The following ASIC2 variants were observed in gnomAD, a reference collection of about 807,000 sequenced individuals.
ASIC2 encodes the protein acid sensing ion channel subunit 2.
Under a neutral mutation model 57.3 loss-of-function variants are expected in ASIC2, and 25 were observed. The observed-to-expected ratio is 0.44, with a 90% CI of 0.32 to 0.61. The LOEUF is 0.61. ASIC2 is among the 20% of genes least tolerant of loss of function. The pLI is 0.06. For synonymous variants in ASIC2, 319 were observed against 307.5 expected (o/e 1.04, Z -0.39); for missense variants, 641 against 738.1 (o/e 0.87, Z 1.52).
chr17:33,020,041 A>G (rs1567718377), intron 7 of ASIC2, among the ~76,000 whole-genome samples: 1 of 152,026 alleles, frequency 6.6e-6, no homozygotes, highest in Non-Finnish European at 1.5e-5. Context: ...CTCTTGGCTC[A>G]GTACCTTTGG....
chr17:33,755,268 A>G (rs933191847), intron 1 of ASIC2, among the ~76,000 whole-genome samples: 3 of 152,210 alleles, frequency 2.0e-5, no homozygotes, highest in Non-Finnish European at 2.9e-5. Flanking sequence ...ATTCTCTTCA[A>G]AACTTCTGTG....
Position 34,156,544 on chromosome 17 carries a change from G to A in ASIC2, c.-12C>T. ...TCCTTGAGGTCCATCGGGACCCCGT[G>A]CAGTTCCGCAACTGGCTTCAGGTTG... On this transcript the variant is annotated 5_prime_UTR_variant, in exon 1 of 10. Transcript: ENST00000359872. This position sits in a 1 kb window ranked among gnomAD's most constrained non-coding sequence, Gnocchi z 4.4. 6.4e-7 allele frequency: 1 copy of A among 1,571,836 alleles called. No homozygotes were observed. The highest frequency in any genetic ancestry group is 8.7e-7 in the Non-Finnish European group (1 of 1,154,946).
chr17:33,951,740 G>A (rs1436756254), intron 1 of ASIC2, among the ~76,000 whole-genome samples: 7 of 146,668 alleles, frequency 4.8e-5, no homozygotes, highest in East Asian at 2.0e-4. Flanking sequence ...GTGCCACCAC[G>A]CCTGGCTAAT....
At chr17:33,782,358 C>CTT (rs772291908) in intron 1 of ASIC2, among the ~76,000 whole-genome samples, 2 of 133,836 alleles carry the variant, frequency 1.5e-5, no homozygotes, top group Non-Finnish European at 1.6e-5. Flanking sequence ...ATTGAAGTTC[C>CTT]TTTTTTTTTT....
At chr17:34,106,721 G>A (rs1911071379) in intron 1 of ASIC2, among the ~76,000 whole-genome samples, 2 of 152,072 alleles carry the variant, frequency 1.3e-5, no homozygotes, top group Non-Finnish European at 2.9e-5. Context: ...ACTCCTTAAA[G>A]CTAGTTCCTG....
intron 1 of ASIC2, among the ~76,000 whole-genome samples, chr17:34,099,427 G>A (rs1456509916): frequency 1.6e-5 from 2 of 122,524 alleles, no homozygotes; most frequent in Admixed American, 8.7e-5. Context: ...AAGAATGAAA[G>A]AAAGAAGAAA....
intron 2 of ASIC2, among the ~76,000 whole-genome samples, chr17:33,094,562 T>G (rs2092170523): frequency 6.6e-6 from 1 of 152,124 alleles, no homozygotes; most frequent in African/African-American, 2.4e-5. Flanking sequence ...GACTGGTGGA[T>G]CTCCCATGGG....
intron 1 of ASIC2, among the ~76,000 whole-genome samples, chr17:34,045,798 G>A (rs1461569931): frequency 6.6e-6 from 1 of 152,160 alleles, no homozygotes; most frequent in African/African-American, 2.4e-5. Flanking sequence ...CACAAACAAG[G>A]TCACTGACAA....
chr17:33,022,930 AT>A (rs1207004808), intron 6 of ASIC2, among the ~76,000 whole-genome samples: 2 of 152,128 alleles, frequency 1.3e-5, no homozygotes, highest in East Asian at 3.8e-4. Context: ...TTTTATTTTT[AT>A]TTTTATTTTT....
chr17:33,898,179 T>C (rs1397508525), intron 1 of ASIC2, among the ~76,000 whole-genome samples: 1 of 148,450 alleles, frequency 6.7e-6, no homozygotes, highest in South Asian at 2.1e-4. Flanking sequence ...ATTTTAGACT[T>C]ACAGAGAAAC....
chr17:33,716,793 T>C (rs1349694319), intron 1 of ASIC2, among the ~76,000 whole-genome samples: 1 of 152,250 alleles, frequency 6.6e-6, no homozygotes, highest in East Asian at 1.9e-4. Flanking sequence ...AATATCATTG[T>C]ATGGATTCTT....
intron 1 of ASIC2, chr17:34,004,533 T>C (rs1264401829): frequency 6.6e-6 from 1 of 152,256 alleles, no homozygotes; most frequent in Non-Finnish European, 1.5e-5. Flanking sequence ...AGTGTGCTGC[T>C]GTAGAATAGA....
intron 1 of ASIC2, among the ~76,000 whole-genome samples, chr17:33,954,593 G>A (rs1371662036): frequency 6.6e-6 from 1 of 152,194 alleles, no homozygotes; most frequent in Non-Finnish European, 1.5e-5. Context: ...GCTGTAAAAT[G>A]TGCCTCAAAA....
At chr17:33,077,159 C>T (rs2092092099) in intron 3 of ASIC2, among the ~76,000 whole-genome samples, 1 of 151,964 alleles carries the variant, frequency 6.6e-6, no homozygotes, top group African/African-American at 2.4e-5. Context: ...CTTGGCTCTC[C>T]TGCAGACCTT....
At chr17:33,612,139 G>A (rs180682256) in intron 1 of ASIC2, among the ~76,000 whole-genome samples, 2 of 152,262 alleles carry the variant, frequency 1.3e-5, no homozygotes, top group East Asian at 3.9e-4. Flanking sequence ...TGGATTAAAT[G>A]AGGCCCACCC....
At chr17:33,524,236 T>C (rs1914824517) in intron 1 of ASIC2, among the ~76,000 whole-genome samples, 1 of 152,218 alleles carries the variant, frequency 6.6e-6, no homozygotes, top group South Asian at 2.1e-4. Flanking sequence ...TATACCGTTG[T>C]TGGGTTCCTT....
intron 1 of ASIC2, among the ~76,000 whole-genome samples, chr17:33,411,788 C>T (rs1016760159): frequency 3.3e-5 from 5 of 152,176 alleles, no homozygotes; most frequent in African/African-American, 9.7e-5. Flanking sequence ...TTTGGCCAGA[C>T]CATGATGAGT....
At chr17:33,249,202 C>T (rs1401452595) in intron 1 of ASIC2, among the ~76,000 whole-genome samples, 8 of 151,906 alleles carry the variant, frequency 5.3e-5, no homozygotes, top group South Asian at 2.1e-4. Flanking sequence ...ATGAAGGTGT[C>T]CTCACCGAGA....
intron 1 of ASIC2, among the ~76,000 whole-genome samples, chr17:33,183,358 A>T (rs1033470244): frequency 9.2e-5 from 14 of 152,238 alleles, no homozygotes; most frequent in African/African-American, 3.4e-4. Context: ...ATATGAGGGG[A>T]GTTAATGAAA....
Sources: gnomAD v4.1 joint callset for allele counts (sites outside exome capture counted in the v4.1 genomes callset) on GRCh38, gnomAD v4.1.1 for gene constraint, Gnocchi (gnomAD v3.1) non-coding constraint, MANE v1.5 for transcripts, NCBI Gene and HGNC (gene_info 2026-07-23, HGNC 2026-07-21) for gene names.